The following AMER1 variants were observed in gnomAD, a reference collection of about 807,000 sequenced individuals.
AMER1 encodes RP11-403E24.2.
A neutral mutation model predicts 53.0 loss-of-function variants in AMER1; 16 were observed. That is an observed-to-expected ratio of 0.30 (90% CI 0.20 to 0.46). The LOEUF is 0.46. Ranked by LOEUF, AMER1 falls within the 20% of genes least tolerant of loss-of-function variation. The pLI is 1.00. For missense variants in AMER1, 947 were observed against 884.9 expected (o/e 1.07, Z -0.89); for synonymous variants, 354 against 331.9 (o/e 1.07, Z -0.73).
At chrX:64,203,154 A>C (rs993255440) in intron 1 of AMER1, among the ~76,000 whole-genome samples, 3 of 112,226 alleles carry the variant, frequency 2.7e-5, no homozygotes, top group Non-Finnish European at 5.6e-5. Context: ...ATGAATCAGC[A>C]ACCAAAGATA....
Position 64,189,514 on chromosome X carries a change from G to GTATGTATATA in AMER1, c.*364_*365insTATATACATA, listed in dbSNP as rs1930186743. ...TGTGTGTGTGTGTGTGTGTGTGTGTGTATATATATATATATATATATATAT... is the reference window on the plus strand; with the variant it reads ...TGTGTGTGTGTGTGTGTGTGTGTGTGTATGTATATATATATATATATATATATATATATAT... On this transcript the variant is annotated 3_prime_UTR_variant, in exon 2 of 2. Coordinates refer to ENST00000374869, the MANE Select transcript of AMER1 (RefSeq NM_152424.4). The GTATGTATATA allele has an allele frequency of 7.1e-5, 2 of 28,073 alleles. No homozygotes were observed. The highest frequency in any genetic ancestry group is 1.1e-4 in the Non-Finnish European group (2 of 18,344). The allele number at this position is 28,073 out of a possible 1,213,427, so 2.3% of individuals were successfully genotyped here.
rs2041645507 is a variant in AMER1 at position 64,190,099 on chromosome X, C to G, written c.3188G>C (p.Ser1063Thr). 1 of 1,206,260 alleles carries G rather than the reference C, an allele frequency of 8.3e-7. No individual in the cohort carries two copies. Reference protein sequence around the residue: ...LPVDEPSCSSSSGGFSPSPLP... With the variant: ...LPVDEPSCSSTSGGFSPSPLP... ...AGGGCTGGGGCTGAAGCCTCCAGAACTGGAAGAGCAACTGGGCTCATCAAC... is the reference window on the plus strand; with the variant it reads ...AGGGCTGGGGCTGAAGCCTCCAGAAGTGGAAGAGCAACTGGGCTCATCAAC... Residue 1063 changes from serine to threonine, a missense_variant, in exon 2 of 2, where the codon AGT becomes ACT. Ser to Thr is a moderately conservative substitution (Grantham distance 58). Coordinates refer to ENST00000374869, the MANE Select transcript of AMER1 (RefSeq NM_152424.4).
chrX:64,187,111 C>A lies in AMER1; in HGVS notation c.*2768G>T. 1.3e-6 allele frequency: 1 copy of A among 786,185 alleles called. No individual in the cohort carries two copies. The highest frequency in any genetic ancestry group is 1.5e-6 in the Non-Finnish European group (1 of 658,478). The allele number at this position is 786,185 out of a possible 1,213,427, so 64.8% of individuals were successfully genotyped here. On this transcript the variant is annotated 3_prime_UTR_variant, in exon 2 of 2. Coordinates refer to ENST00000374869, the MANE Select transcript of AMER1 (RefSeq NM_152424.4). ...GTATTTGCTGCCACCCAAGCCAGCA[C>A]TAGTCTGTGTTTGGAAACAGGCCTG...
At chrX:64,204,598 G>A (rs1930558144) in intron 1 of AMER1, among the ~76,000 whole-genome samples, 1 of 113,322 alleles carries the variant, frequency 8.8e-6, no homozygotes, top group Admixed American at 9.2e-5. Flanking sequence ...ACACAGAGAT[G>A]GTATGATACG....
At position 64,186,477 on chromosome X, in the gene AMER1, T is replaced by C. The variant is rs2147082191; in HGVS notation, c.*3402A>G. ...AAACAACTTGAATGCAACATACACA[T>C]GGGTAAACTTGAAGTCTCCCTGCTA... On this transcript the variant is annotated 3_prime_UTR_variant, in exon 2 of 2. Coordinates refer to ENST00000374869, the MANE Select transcript of AMER1 (RefSeq NM_152424.4). 2 of 785,996 alleles carry C rather than the reference T, an allele frequency of 2.5e-6. No homozygotes were observed. The highest frequency in any genetic ancestry group is 3.0e-6 in the Non-Finnish European group (2 of 658,312). The allele number at this position is 785,996 out of a possible 1,213,427, so 64.8% of individuals were successfully genotyped here. A position where few individuals can be genotyped will look rare whatever the true frequency, so the allele number is the denominator to read the frequency against.
At chrX:64,193,824 CAGTCCATTG>C (rs1930310763) in intron 1 of AMER1, among the ~76,000 whole-genome samples, 1 of 112,371 alleles carries the variant, frequency 8.9e-6, no homozygotes, top group Non-Finnish European at 1.9e-5. Context: ...TCTGGCAAAA[CAGTCCATTG>C]AGTCCTCACA....
chrX:64,185,963 G>T lies in AMER1; in HGVS notation c.*3916C>A. On this transcript the variant is annotated 3_prime_UTR_variant, in exon 2 of 2. Coordinates refer to ENST00000374869, the MANE Select transcript of AMER1 (RefSeq NM_152424.4). ...TTGGAGAAACTCAACAAGACAAATA[G>T]CACAACATGGGCACTCTGATTTCAA... The T allele has an allele frequency of 2.1e-6, 1 of 469,724 alleles. No individual in the cohort carries two copies. The highest frequency in any genetic ancestry group is 3.4e-6 in the Non-Finnish European group (1 of 291,642). 38.7% of individuals were successfully genotyped at this position (469,724 alleles called of 1,213,427 possible). A position where few individuals can be genotyped will look rare whatever the true frequency, so the allele number is the denominator to read the frequency against.
Position 64,187,703 on chromosome X carries a change from C to T in AMER1, c.*2176G>A. ...GGTGGGTTCTTCCCTGTTGTAAAGGCATTTGGTGAGTGTTTACTTCCTGCC... is the reference window on the plus strand; with the variant it reads ...GGTGGGTTCTTCCCTGTTGTAAAGGTATTTGGTGAGTGTTTACTTCCTGCC... On this transcript the variant is annotated 3_prime_UTR_variant, in exon 2 of 2. Transcript: ENST00000374869. 1 of 774,938 alleles carries T rather than the reference C, an allele frequency of 1.3e-6. No individual in the cohort carries two copies. The highest frequency in any genetic ancestry group is 1.5e-6 in the Non-Finnish European group (1 of 651,182). The allele number at this position is 774,938 out of a possible 1,213,427, so 63.9% of individuals were successfully genotyped here.
chrX:64,194,271 C>T lies in AMER1; in HGVS notation c.-98-887G>A, dbSNP rs776437689. Reference sequence around the variant, plus strand: ...ACTGTTTCTCCTCTACTCTCCTCCTCTTATTATTTTTGTCCCCATCTAGCT... The same window carrying T: ...ACTGTTTCTCCTCTACTCTCCTCCTTTTATTATTTTTGTCCCCATCTAGCT... On this transcript the variant is annotated intron_variant, in intron 1 of 1. Transcript: ENST00000374869. Among the ~76,000 whole-genome samples the T allele has an allele frequency of 4.5e-5, 5 of 111,494 alleles. No individual in the cohort carries two copies. In the East Asian group the frequency reaches 1.4e-3, roughly 32 times the overall value.
At chrX:64,197,280 T>C (rs1351944496) in intron 1 of AMER1, among the ~76,000 whole-genome samples, 1 of 113,062 alleles carries the variant, frequency 8.8e-6, no homozygotes, top group Non-Finnish European at 1.9e-5. Flanking sequence ...CAGCAGCTGC[T>C]ATCATGGCAG....
rs1424300049 is a variant in AMER1 at position 64,191,930 on chromosome X, G to C, written c.1357C>G (p.Leu453Val). 1.7e-6 allele frequency: 2 copies of C among 1,211,804 alleles called. No homozygotes were observed. The highest frequency in any genetic ancestry group is 2.2e-6 in the Non-Finnish European group (2 of 895,556). ...TGCTGGTCACTCTGAGGAGTCAAAA[G>C]TTCCCCAGGGGCTAGGCCAGGATAA... Reference protein sequence around the residue: ...RSYPGLAPGELLTPQSDQQES... With the variant: ...RSYPGLAPGEVLTPQSDQQES... The change falls in exon 2 of 2, where the codon CTT becomes GTT. Residue 453 changes from leucine (L) to valine (V), a missense_variant. Physicochemically the swap from Leu to Val is conservative, Grantham distance 32 (BLOSUM62 1). Transcript: ENST00000374869.
intron 1 of AMER1, among the ~76,000 whole-genome samples, chrX:64,197,464 G>C (rs926574641): frequency 1.8e-5 from 2 of 113,025 alleles, no homozygotes; most frequent in Non-Finnish European, 1.9e-5. Flanking sequence ...CCTTCTCAAG[G>C]AGAAGGGACA....
chrX:64,186,268 C>G lies in AMER1; in HGVS notation c.*3611G>C. The G allele has an allele frequency of 9.1e-7, 1 of 1,099,183 alleles. No individual in the cohort carries two copies. The highest frequency in any genetic ancestry group is 1.2e-6 in the Non-Finnish European group (1 of 834,080). 90.6% of individuals were successfully genotyped at this position (1,099,183 alleles called of 1,213,427 possible). A position where few individuals can be genotyped will look rare whatever the true frequency, so the allele number is the denominator to read the frequency against. On this transcript the variant is annotated 3_prime_UTR_variant, in exon 2 of 2. Transcript: ENST00000374869. Reference sequence around the variant, plus strand: ...GGGAGGGCCCTAGGCAGTTGAGATGCCAGCCCTCTGCACAAGCAGCAGCAA... The same window carrying G: ...GGGAGGGCCCTAGGCAGTTGAGATGGCAGCCCTCTGCACAAGCAGCAGCAA...
At position 64,193,213 on chromosome X, in the gene AMER1, G is replaced by A. The variant is rs767686564; in HGVS notation, c.74C>T (p.Ala25Val). The A allele has an allele frequency of 1.1e-5, 13 of 1,210,081 alleles. No homozygotes were observed. In the Admixed American group the frequency reaches 2.8e-4, roughly 26 times the overall value. ...TGCCTTGTTCTTGGCTCCTTTTTCT[G>A]CTGTTTGTTCACGGGTACTCCCAGA... is the stretch of plus-strand genomic sequence containing the variant. ...AASGSTREQT[A>V]EKGAKNKAAE... Residue 25 changes from alanine (A) to valine (V), a missense_variant, in exon 2 of 2, where the codon GCA becomes GTA. Ala to Val is a moderately conservative substitution (Grantham distance 64). Coordinates refer to ENST00000374869, the MANE Select transcript of AMER1 (RefSeq NM_152424.4).
chrX:64,185,815 T>C lies in AMER1; in HGVS notation c.*4064A>G, dbSNP rs1247098095. The C allele has an allele frequency of 8.8e-6, 2 of 227,631 alleles. No individual in the cohort carries two copies. Among genetic ancestry groups the C allele is most frequent in the African/African-American group, 5.7e-5 (2 of 35,314 alleles). 18.8% of individuals were successfully genotyped at this position (227,631 alleles called of 1,213,427 possible). On this transcript the variant is annotated 3_prime_UTR_variant, in exon 2 of 2. Coordinates refer to ENST00000374869, the MANE Select transcript of AMER1 (RefSeq NM_152424.4). ...CTATGCAAGGGTTTCCTCAACGAGATGGTAAATTCCTGATAGTGCAAGCAT... is the reference window on the plus strand; with the variant it reads ...CTATGCAAGGGTTTCCTCAACGAGACGGTAAATTCCTGATAGTGCAAGCAT...
chrX:64,190,353 G>A lies in AMER1; in HGVS notation c.2934C>T (p.Asn978=). ...VGPGPAWISP[N]QLDRPSSQSP... The stretch of plus-strand genomic sequence containing the variant: ...ACTGGCTGGAAGGCCTGTCCAACTG[G>A]TTGGGGCTTATCCAGGCAGGACCTG... Residue 978 remains asparagine (N), a synonymous_variant, in exon 2 of 2, where the codon AAC becomes AAT. Coordinates refer to ENST00000374869, the MANE Select transcript of AMER1 (RefSeq NM_152424.4). The A allele has an allele frequency of 8.3e-7, 1 of 1,211,777 alleles. No homozygotes were observed. The highest frequency in any genetic ancestry group is 1.1e-6 in the Non-Finnish European group (1 of 895,387).
At chrX:64,201,398 T>A (rs1930485560) in intron 1 of AMER1, among the ~76,000 whole-genome samples, 1 of 107,125 alleles carries the variant, frequency 9.3e-6, no homozygotes, top group African/African-American at 3.5e-5. Flanking sequence ...CTCCAATAGA[T>A]CGTTAAGCAG....
At chrX:64,204,331 G>A (rs1930550575) in intron 1 of AMER1, among the ~76,000 whole-genome samples, 1 of 113,978 alleles carries the variant, frequency 8.8e-6, no homozygotes, top group African/African-American at 3.2e-5. Flanking sequence ...CCTTGACCCC[G>A]CGGCCCTTGC....
Position 64,189,793 on chromosome X carries a change from A to ACGGGGCCCCC in AMER1, c.*85_*86insGGGGGCCCCG. The stretch of plus-strand genomic sequence containing the variant: ...CAAAGGGTTTTCAAGTTAAACAACA[A>ACGGGGCCCCC]CCCCCACCCCCCCACCCTTCTGCCC... On this transcript the variant is annotated 3_prime_UTR_variant, in exon 2 of 2. Coordinates refer to ENST00000374869, the MANE Select transcript of AMER1 (RefSeq NM_152424.4). The ACGGGGCCCCC allele has an allele frequency of 3.4e-6, 1 of 292,069 alleles. No homozygotes were observed. Among genetic ancestry groups the ACGGGGCCCCC allele is most frequent in the Non-Finnish European group, 4.9e-6 (1 of 204,828 alleles). The allele number at this position is 292,069 out of a possible 1,213,427, so 24.1% of individuals were successfully genotyped here. A position where few individuals can be genotyped will look rare whatever the true frequency, so the allele number is the denominator to read the frequency against.
Sources: allele counts gnomAD v4.1 joint callset (sites outside exome capture counted in the v4.1 genomes callset), GRCh38; gene constraint gnomAD v4.1.1; transcripts MANE v1.5; gene names NCBI Gene and HGNC (gene_info 2026-07-23, HGNC 2026-07-21).